The following LPIN2 variants were observed in gnomAD, a reference collection of about 807,000 sequenced individuals.
LPIN2 encodes lipin 2.
LPIN2 carries 55 observed loss-of-function variants against 111.4 expected under a neutral mutation model. The observed-to-expected ratio is 0.49, with a 90% CI of 0.40 to 0.62. The LOEUF (loss-of-function observed/expected upper bound fraction) is 0.62. Ranked by LOEUF, LPIN2 falls within the 20% of genes least tolerant of loss-of-function variation. The pLI, the probability that LPIN2 is intolerant of heterozygous loss-of-function variation, is 0.00. For missense variants in LPIN2, 992 were observed against 1,112.1 expected (o/e 0.89, Z 1.54); for synonymous variants, 425 against 414.0 (o/e 1.03, Z -0.32).
At chr18:2,930,191 AAACTC>A (rs545478387) in intron 9 of LPIN2, among the ~76,000 whole-genome samples, 2 of 152,190 alleles carry the variant, frequency 1.3e-5, no homozygotes, top group Non-Finnish European at 2.9e-5. Context: ...CTCTTCCAAT[AAACTC>A]TACTAGACTA....
chr18:2,953,863 T>A (rs1343596210), intron 3 of LPIN2, among the ~76,000 whole-genome samples: 1 of 152,148 alleles, frequency 6.6e-6, no homozygotes, highest in East Asian at 1.9e-4. Context: ...AATAAAAAGA[T>A]CCACATTGAA....
intron 4 of LPIN2, chr18:2,946,209 G>C: frequency 6.2e-7 from 1 of 1,606,836 alleles, no homozygotes; most frequent in Non-Finnish European, 8.5e-7. Context: ...GGTTCATCTG[G>C]GCTTGGTCTT....
At chr18:2,989,109 A>C (rs1228843320) in intron 1 of LPIN2, among the ~76,000 whole-genome samples, 1 of 152,174 alleles carries the variant, frequency 6.6e-6, no homozygotes, top group Non-Finnish European at 1.5e-5. Context: ...ATTCTCATGA[A>C]AGACAGATTT....
chr18:3,002,236 CAAAAAAAAAAAAA>C lies in LPIN2; in HGVS notation c.-10+10838_-10+10850del, dbSNP rs765641037. ...TTTAAAAGGATGACCTTCAAAAGAC[CAAAAAAAAAAAAA>C]AAAAAAAAACCCACCATAACAACAT... On this transcript the variant is annotated intron_variant, in intron 1 of 19. Coordinates refer to ENST00000677752, the MANE Select transcript of LPIN2 (RefSeq NM_001375808.2). Among the ~76,000 whole-genome samples the C allele has an allele frequency of 4.2e-3, 351 of 82,824 alleles. 4 individuals carry two copies. In the Middle Eastern group the frequency reaches 0.06, roughly 14 times the overall value. 54.3% of individuals were successfully genotyped at this position (82,824 alleles called of 152,430 possible).
chr18:2,945,373 AGAT>A (rs2077434870), intron 4 of LPIN2, among the ~76,000 whole-genome samples: 1 of 152,246 alleles, frequency 6.6e-6, no homozygotes, highest in Non-Finnish European at 1.5e-5. Flanking sequence ...CACGAAAGAA[AGAT>A]GAGAGGCACA....
At chr18:2,958,141 C>CA (rs1224779773) in intron 2 of LPIN2, among the ~76,000 whole-genome samples, 639 of 11,896 alleles carry the variant, frequency 0.054, 177 homozygotes, top group Non-Finnish European at 0.06. Flanking sequence ...GACTCCATCT[C>CA]AAAAAAAAAA....
intron 1 of LPIN2, among the ~76,000 whole-genome samples, chr18:2,966,835 G>C (rs913950639): frequency 6.6e-6 from 1 of 152,120 alleles, no homozygotes; most frequent in East Asian, 1.9e-4. Flanking sequence ...TGAGGCTTAC[G>C]GACAGAGGTT....
chr18:2,938,350 C>T (rs1044285929), intron 6 of LPIN2, among the ~76,000 whole-genome samples: 1 of 152,208 alleles, frequency 6.6e-6, no homozygotes, highest in East Asian at 1.9e-4. Flanking sequence ...AGGATGAAAC[C>T]CTGTCTCTAC....
intron 1 of LPIN2, among the ~76,000 whole-genome samples, chr18:2,979,330 G>A (rs1347969033): frequency 1.3e-5 from 2 of 152,182 alleles, no homozygotes; most frequent in South Asian, 2.1e-4. Context: ...TGAGTATGCT[G>A]AGTATGTAAT....
At chr18:2,946,107 T>G in intron 4 of LPIN2, 1 of 1,569,922 alleles carries the variant, frequency 6.4e-7, no homozygotes, top group Non-Finnish European at 8.8e-7. Flanking sequence ...CATTGTCTTC[T>G]TTTCTTATTT....
intron 1 of LPIN2, among the ~76,000 whole-genome samples, chr18:2,999,078 C>A (rs1039339322): frequency 6.6e-6 from 1 of 152,210 alleles, no homozygotes; most frequent in Non-Finnish European, 1.5e-5. Context: ...ATTGCTCTAA[C>A]TAGACATCCT....
In LPIN2 at chr18:2,947,329, T is replaced by C. The variant is rs541135131; in HGVS notation, c.590+3726A>G. On this transcript the variant is annotated intron_variant, in intron 4 of 19. Coordinates refer to ENST00000677752, the MANE Select transcript of LPIN2 (RefSeq NM_001375808.2). ...TCTCTTCCCTCCAAAAGGCTACATA[T>C]GCCTAGGTGCAATGTTTTTAATCTC... Among the ~76,000 whole-genome samples, 79 of 152,276 alleles carry C rather than the reference T, an allele frequency of 5.2e-4. 1 individual carries two copies. In the South Asian group the frequency reaches 0.016, roughly 31 times the overall value.
intron 1 of LPIN2, among the ~76,000 whole-genome samples, chr18:2,982,311 T>C (rs1490866944): frequency 2.6e-5 from 4 of 152,194 alleles, no homozygotes; most frequent in Non-Finnish European, 5.9e-5. Flanking sequence ...TTTTTACTAC[T>C]ACACTTAAAT....
intron 1 of LPIN2, among the ~76,000 whole-genome samples, chr18:2,983,491 A>C (rs564903986): frequency 2.5e-4 from 38 of 152,354 alleles, no homozygotes; most frequent in African/African-American, 8.4e-4. Flanking sequence ...AAAAACCGCA[A>C]ACACACAACT....
In LPIN2 at chr18:2,925,691, A is replaced by C. The variant is rs1005650546; in HGVS notation, c.1794-323T>G. On this transcript the variant is annotated intron_variant, in intron 13 of 19. Transcript: ENST00000677752. This position sits in a 1 kb window ranked among gnomAD's most constrained non-coding sequence, Gnocchi z 4.1. ...GTTTCACAAGGCACAAATCAAAGAA[A>C]ACATAATCGCTTACAATGATTTAAC... 1.3e-4 allele frequency among the ~76,000 whole-genome samples: 20 copies of C among 152,308 alleles called. No homozygotes were observed. The highest frequency in any genetic ancestry group is 3.4e-3 in the Middle Eastern group (1 of 294).
At chr18:2,988,007 T>A (rs2078211258) in intron 1 of LPIN2, among the ~76,000 whole-genome samples, 1 of 98,016 alleles carries the variant, frequency 1.0e-5, no homozygotes, top group Non-Finnish European at 2.0e-5. Flanking sequence ...AGTGAGAGAC[T>A]GTCTCAAAAA....
At chr18:2,943,950 G>A (rs2077405382) in intron 4 of LPIN2, among the ~76,000 whole-genome samples, 1 of 152,058 alleles carries the variant, frequency 6.6e-6, no homozygotes, top group South Asian at 2.1e-4. Context: ...ATTTTTCTTT[G>A]TAAGAATTCC....
chr18:3,003,743 T>G (rs1425366549), intron 1 of LPIN2, among the ~76,000 whole-genome samples: 1 of 152,202 alleles, frequency 6.6e-6, no homozygotes, highest in African/African-American at 2.4e-5. Context: ...AACGTGTGTT[T>G]GAACAATATG....
chr18:3,007,962 A>G (rs2078541837), intron 1 of LPIN2, among the ~76,000 whole-genome samples: 1 of 152,236 alleles, frequency 6.6e-6, no homozygotes, highest in African/African-American at 2.4e-5. Context: ...GCCAGGAACC[A>G]TAAATGTCAT....
Sources: allele counts gnomAD v4.1 joint callset (sites outside exome capture counted in the v4.1 genomes callset), GRCh38; gene constraint gnomAD v4.1.1; non-coding constraint Gnocchi (gnomAD v3.1); transcripts MANE v1.5; gene names NCBI Gene and HGNC (gene_info 2026-07-23, HGNC 2026-07-21).